Variants in GRM7 observed in about 807,000 individuals in gnomAD.
GRM7 encodes glutamate metabotropic receptor 7, also known as metabotropic glutamate receptor 7.
A neutral mutation model predicts 84.5 loss-of-function variants in GRM7; 35 were observed. That is an observed-to-expected ratio of 0.41 (90% CI 0.32 to 0.55). The LOEUF (loss-of-function observed/expected upper bound fraction) is 0.55, where lower values mean the gene tolerates loss of function less well. Among genes scored for constraint, GRM7 ranks in the 20% least tolerant of loss-of-function variants. The probability of loss-of-function intolerance (pLI) is 0.19; values close to 1 mark genes in which losing one functional copy is unlikely to be tolerated. For synonymous variants in GRM7, 487 were observed against 455.1 expected, an observed-to-expected ratio of 1.07 and a Z score of -0.89; for missense variants, 1,003 against 1,194.6, an observed-to-expected ratio of 0.84 and a Z score of 2.36.
chr3:6,908,022 C>T (rs546093794), intron 1 of GRM7, among the ~76,000 whole-genome samples: 11 of 152,096 alleles, frequency 7.2e-5, no homozygotes, highest in Non-Finnish European at 1.5e-4. Flanking sequence ...ATATACTGTA[C>T]ATACGCTAAA....
chr3:6,945,941 T>G (rs1195032603), intron 1 of GRM7, among the ~76,000 whole-genome samples: 1 of 152,186 alleles, frequency 6.6e-6, no homozygotes, highest in African/African-American at 2.4e-5. Context: ...TTGAGTTCAT[T>G]GTAGATTCTG....
In GRM7 at chr3:7,504,193, T is replaced by C. The variant is rs56692522; in HGVS notation, c.1515+42471T>C. On this transcript the variant is annotated intron_variant, in intron 7 of 9. Coordinates refer to ENST00000357716, the MANE Select transcript of GRM7 (RefSeq NM_000844.4). ...GGATTACCTCATAAGGATTTTATTA[T>C]CACAAGTGACTGAGAAGAACGAGAA... 6.5e-3 allele frequency among the ~76,000 whole-genome samples: 985 copies of C among 152,318 alleles called. 12 individuals are homozygous for C. The highest frequency in any genetic ancestry group is 0.023 in the African/African-American group (944 of 41,564).
At chr3:7,730,194 T>C (rs532161715) in intron 9 of GRM7, among the ~76,000 whole-genome samples, 6 of 148,898 alleles carry the variant, frequency 4.0e-5, no homozygotes, top group Non-Finnish European at 8.9e-5. Context: ...TTTTAGTAGA[T>C]ACAGGGTTTC....
chr3:7,067,905 A>G (rs902595154), intron 1 of GRM7, among the ~76,000 whole-genome samples: 3 of 151,998 alleles, frequency 2.0e-5, no homozygotes, highest in Non-Finnish European at 2.9e-5. Context: ...CTGCACATAT[A>G]AATATATTAT....
intron 1 of GRM7, among the ~76,000 whole-genome samples, chr3:6,906,917 C>G (rs1410950726): frequency 6.6e-6 from 1 of 152,168 alleles, no homozygotes; most frequent in African/African-American, 2.4e-5. Flanking sequence ...CATGTGCAAT[C>G]TGATGAATTT....
intron 7 of GRM7, among the ~76,000 whole-genome samples, chr3:7,566,743 G>C (rs969228283): frequency 6.8e-6 from 1 of 147,346 alleles, no homozygotes; most frequent in Non-Finnish European, 1.5e-5. Context: ...AAGGCATAGA[G>C]GTTGTTAAAA....
chr3:7,366,831 GA>G (rs1693912248), intron 4 of GRM7, among the ~76,000 whole-genome samples: 1 of 151,518 alleles, frequency 6.6e-6, no homozygotes, highest in Admixed American at 6.6e-5. Flanking sequence ...AATATATTAT[GA>G]AAAGGCATGG....
At chr3:7,586,571 G>T (rs1559421654) in intron 8 of GRM7, among the ~76,000 whole-genome samples, 1 of 152,194 alleles carries the variant, frequency 6.6e-6, no homozygotes, top group Non-Finnish European at 1.5e-5. Context: ...ACTTCGGGAG[G>T]CTGAGATGGG....
rs147374078 is a variant in GRM7 at position 6,971,503 on chromosome 3, G to A, written c.519+109596G>A. Among the ~76,000 whole-genome samples, 669 of 152,112 alleles carry A rather than the reference G, an allele frequency of 4.4e-3. 28 individuals carry two copies. The highest frequency in any genetic ancestry group is 0.041 in the Admixed American group (633 of 15,264). On this transcript the variant is annotated intron_variant, in intron 1 of 9. Transcript: ENST00000357716. ...AATAAAACCATCAAAATCAAGAAAC[G>A]GATATTTCTAGATTACTACTGTCTA...
chr3:7,035,638 A>G (rs1696360465), intron 1 of GRM7, among the ~76,000 whole-genome samples: 1 of 152,230 alleles, frequency 6.6e-6, no homozygotes, highest in African/African-American at 2.4e-5. Flanking sequence ...ATGGGAATGT[A>G]TCAAAGATTT....
At chr3:7,014,445 A>T (rs997105110) in intron 1 of GRM7, among the ~76,000 whole-genome samples, 8 of 152,050 alleles carry the variant, frequency 5.3e-5, no homozygotes, top group African/African-American at 1.9e-4. Context: ...AGTTCAAGGG[A>T]TTCTTCTGCC....
chr3:6,861,556 C>G lies in GRM7; in HGVS notation c.168C>G (p.Pro56=). The change falls in exon 1 of 10, where the codon CCC becomes CCG. Residue 56 remains proline, a synonymous_variant. Coordinates refer to ENST00000357716, the MANE Select transcript of GRM7 (RefSeq NM_000844.4). This position sits in a 1 kb window ranked among gnomAD's most constrained non-coding sequence, Gnocchi z 6.4. ...ACGTCACCCTCGGGGGGCTGTTCCCCGTGCACGCCAAGGGTCCCAGCGGAG... is the reference window on the plus strand; with the variant it reads ...ACGTCACCCTCGGGGGGCTGTTCCCGGTGCACGCCAAGGGTCCCAGCGGAG... ...EGDVTLGGLF[P]VHAKGPSGVP... 2 of 1,593,348 alleles carry G rather than the reference C, an allele frequency of 1.3e-6. No homozygotes were observed. The highest frequency in any genetic ancestry group is 1.7e-6 in the Non-Finnish European group (2 of 1,168,956).
At chr3:7,591,619 T>C in intron 8 of GRM7, 1 of 348,946 alleles carries the variant, frequency 2.9e-6, no homozygotes, top group South Asian at 2.3e-5. Flanking sequence ...AAAAGGGAGG[T>C]GACAGTGCAT....
chr3:6,983,876 T>G (rs1559367058), intron 1 of GRM7, among the ~76,000 whole-genome samples: 1 of 152,116 alleles, frequency 6.6e-6, no homozygotes, highest in Non-Finnish European at 1.5e-5. Flanking sequence ...AACAGTATCT[T>G]TACATCTAAC....
chr3:7,150,201 CT>C (rs536058980), intron 2 of GRM7, among the ~76,000 whole-genome samples: 23 of 152,114 alleles, frequency 1.5e-4, no homozygotes, highest in Non-Finnish European at 2.6e-4. Flanking sequence ...AACAGTTTGA[CT>C]TTGAAGGTTG....
At chr3:6,925,494 C>T (rs1315337721) in intron 1 of GRM7, among the ~76,000 whole-genome samples, 1 of 152,164 alleles carries the variant, frequency 6.6e-6, no homozygotes, top group Non-Finnish European at 1.5e-5. Context: ...AGATGAGTTA[C>T]CTGCTTTATA....
At chr3:7,713,142 T>G (rs927696998) in intron 9 of GRM7, among the ~76,000 whole-genome samples, 12 of 145,592 alleles carry the variant, frequency 8.2e-5, no homozygotes, top group South Asian at 2.2e-4. Flanking sequence ...TTTTTTTTTT[T>G]TTTTTTTTTT....
intron 4 of GRM7, among the ~76,000 whole-genome samples, chr3:7,386,573 A>G (rs1694794185): frequency 1.3e-5 from 2 of 152,306 alleles, no homozygotes; most frequent in African/African-American, 2.4e-5. Context: ...CTGGCCTCCA[A>G]CTGCATTCAT....
At chr3:6,956,874 C>T (rs1482780617) in intron 1 of GRM7, among the ~76,000 whole-genome samples, 2 of 151,996 alleles carry the variant, frequency 1.3e-5, no homozygotes, top group Non-Finnish European at 2.9e-5. Flanking sequence ...AATTTACAAC[C>T]CCATGGTAAT....
Sources: allele counts gnomAD v4.1 joint callset (sites outside exome capture counted in the v4.1 genomes callset), GRCh38; gene constraint gnomAD v4.1.1; non-coding constraint Gnocchi (gnomAD v3.1); transcripts MANE v1.5; gene names NCBI Gene and HGNC (gene_info 2026-07-23, HGNC 2026-07-21).